The following MROH1 variants were observed in gnomAD, a reference collection of about 807,000 sequenced individuals.
MROH1 encodes the protein maestro heat like repeat family member 1.
A neutral mutation model predicts 116.5 loss-of-function variants in MROH1; 117 were observed. That is an observed-to-expected ratio of 1.00 (90% CI 0.86 to 1.17). The LOEUF is 1.17. Ranked by LOEUF, MROH1 falls within the 50% of genes most tolerant of loss-of-function variation. The probability of loss-of-function intolerance (pLI) is 0.00; values close to 1 mark genes in which losing one functional copy is unlikely to be tolerated. For synonymous variants in MROH1, 921 were observed against 583.9 expected (o/e 1.58, Z -8.32); for missense variants, 1,873 against 1,338.5 (o/e 1.40, Z -6.23).
intron 29 of MROH1, among the ~76,000 whole-genome samples, chr8:144,246,226 A>G (rs1214001729): frequency 1.3e-5 from 2 of 150,500 alleles, no homozygotes; most frequent in Non-Finnish European, 3.0e-5. Context: ...CTCCTGCCCC[A>G]GCCTCCCGAG....
intron 32 of MROH1, among the ~76,000 whole-genome samples, chr8:144,249,643 G>T (rs979588239): frequency 1.3e-5 from 2 of 152,140 alleles, no homozygotes; most frequent in African/African-American, 4.8e-5. Context: ...TCCTGCCCAC[G>T]TTTCCCCCGC....
intron 33 of MROH1, among the ~76,000 whole-genome samples, chr8:144,253,334 C>T (rs1457495283): frequency 6.6e-5 from 10 of 152,364 alleles, no homozygotes; most frequent in Non-Finnish European, 1.0e-4. Flanking sequence ...GCAGCCGCTC[C>T]GTCCACTTCC....
intron 12 of MROH1, among the ~76,000 whole-genome samples, chr8:144,210,445 A>G (rs527421017): frequency 6.6e-6 from 1 of 152,204 alleles, no homozygotes; most frequent in South Asian, 2.1e-4. Context: ...TAATCCCAGC[A>G]CTTTGGGAGG....
At chr8:144,156,427 C>A (rs902489094) in intron 1 of MROH1, among the ~76,000 whole-genome samples, 1 of 151,920 alleles carries the variant, frequency 6.6e-6, no homozygotes, top group East Asian at 1.9e-4. Context: ...TTAAAACCAG[C>A]TGGGCACGGT....
intron 1 of MROH1, among the ~76,000 whole-genome samples, chr8:144,150,981 C>T (rs1423537251): frequency 6.6e-6 from 1 of 152,164 alleles, no homozygotes; most frequent in Admixed American, 6.5e-5. Flanking sequence ...GGCGTGATGG[C>T]TCACGCCTGT....
At chr8:144,210,706 C>G (rs139241754) in intron 12 of MROH1, among the ~76,000 whole-genome samples, 1 of 151,632 alleles carries the variant, frequency 6.6e-6, no homozygotes, top group African/African-American at 2.4e-5. Flanking sequence ...CTCTCTATCT[C>G]TCTATATATA....
intron 17 of MROH1, 112 bp from the exon 18 acceptor site, chr8:144,239,502 A>G (rs1267117215): frequency 2.6e-6 from 2 of 761,802 alleles, no homozygotes; most frequent in African/African-American, 3.4e-5. Flanking sequence ...TGGGCGGCCC[A>G]GCTTTGGGAA....
chr8:144,242,504 T>G lies in MROH1; in HGVS notation c.2314T>G (p.Phe772Val). The G allele has an allele frequency of 1.3e-6, 1 of 780,660 alleles. No individual in the cohort carries two copies. The highest frequency in any genetic ancestry group is 2.4e-6 in the Non-Finnish European group (1 of 417,806). The allele number at this position is 780,660 out of a possible 1,614,324, so 48.4% of individuals were successfully genotyped here. The change falls in exon 23 of 44, where the codon TTC becomes GTC. Residue 772 changes from phenylalanine to valine, a missense_variant. Physicochemically the swap from Phe to Val is conservative, Grantham distance 50 (BLOSUM62 -1). Transcript: ENST00000326134. ...CATCCTCCGGAACATCTGCCAGCAC[T>G]TCAGCACCAAGGTGGGCACTGCGGT... Reference protein sequence around the residue: ...SDILRNICQHFSTKVLGIKVE... With the variant: ...SDILRNICQHVSTKVLGIKVE...
intron 7 of MROH1, among the ~76,000 whole-genome samples, chr8:144,189,884 G>A (rs1376963156): frequency 1.3e-5 from 2 of 152,240 alleles, no homozygotes; most frequent in Admixed American, 6.5e-5. Flanking sequence ...GCATTTTGGG[G>A]AGGAGGTTGG....
chr8:144,235,343 G>A (rs1235358291), intron 14 of MROH1, among the ~76,000 whole-genome samples: 1 of 152,164 alleles, frequency 6.6e-6, no homozygotes, highest in Admixed American at 6.5e-5. Flanking sequence ...GTCTGGATGC[G>A]TTTTATTTAA....
chr8:144,152,302 G>A (rs1168834857), intron 1 of MROH1, among the ~76,000 whole-genome samples: 4 of 152,168 alleles, frequency 2.6e-5, no homozygotes, highest in African/African-American at 7.2e-5. Context: ...CAGGATAAGA[G>A]GGGACTACTA....
chr8:144,256,379 G>C (rs1226832031), intron 35 of MROH1, among the ~76,000 whole-genome samples: 1 of 133,564 alleles, frequency 7.5e-6, no homozygotes, highest in Non-Finnish European at 1.7e-5. Flanking sequence ...ACACCAGGGG[G>C]ACAGCCTCAC....
chr8:144,260,091 C>A, intron 38 of MROH1, 34 bp downstream of exon 38: 1 of 736,844 alleles, frequency 1.4e-6, no homozygotes, highest in Non-Finnish European at 2.5e-6. Context: ...GGGTCCCAGG[C>A]AGCATGGGTG....
At chr8:144,225,892 GC>G (rs948865261) in intron 14 of MROH1, among the ~76,000 whole-genome samples, 28 of 141,530 alleles carry the variant, frequency 2.0e-4, no homozygotes, top group African/African-American at 6.1e-4. Context: ...TCACATATAG[GC>G]CTATGATTCA....
At position 144,241,010 on chromosome 8, in the gene MROH1, A is replaced by G; in HGVS notation, c.1954A>G (p.Ile652Val). The change falls in exon 21 of 44, where the codon ATA becomes GTA. Residue 652 changes from isoleucine (I) to valine (V), a missense_variant. Ile to Val is a conservative substitution (Grantham distance 29). Coordinates refer to ENST00000326134, the MANE Select transcript of MROH1 (RefSeq NM_032450.3). Reference protein sequence around the residue: ...PQEKNFLYKCIGTTLGAASSK... With the variant: ...PQEKNFLYKCVGTTLGAASSK... Reference sequence around the variant, plus strand: ...GTTTCAGAACTTCCTGTACAAATGCATAGGCACCACCCTGGGTGCTGCTTC... The same window carrying G: ...GTTTCAGAACTTCCTGTACAAATGCGTAGGCACCACCCTGGGTGCTGCTTC... 1 of 767,778 alleles carries G rather than the reference A, an allele frequency of 1.3e-6. No individual in the cohort carries two copies. Among genetic ancestry groups the G allele is most frequent in the Non-Finnish European group, 2.4e-6 (1 of 412,228 alleles). The allele number at this position is 767,778 out of a possible 1,614,324, so 47.6% of individuals were successfully genotyped here.
intron 14 of MROH1, among the ~76,000 whole-genome samples, chr8:144,235,365 A>G (rs1444382397): frequency 1.3e-5 from 2 of 152,216 alleles, no homozygotes; most frequent in East Asian, 3.9e-4. Flanking sequence ...TTCCTTGCTT[A>G]GCTGTCCCAG....
At chr8:144,178,852 A>C (rs2131297312) in intron 4 of MROH1, among the ~76,000 whole-genome samples, 1 of 152,174 alleles carries the variant, frequency 6.6e-6, no homozygotes, top group South Asian at 2.1e-4. Flanking sequence ...TGAGGCAAGG[A>C]CAGTGTGTGC....
chr8:144,256,477 G>T (rs1189887727), intron 35 of MROH1, among the ~76,000 whole-genome samples: 6 of 152,102 alleles, frequency 3.9e-5, no homozygotes, highest in African/African-American at 1.4e-4. Flanking sequence ...AGCACCACAG[G>T]CTGCTCAGAC....
At chr8:144,207,590 C>T (rs1035512170) in intron 12 of MROH1, among the ~76,000 whole-genome samples, 4 of 152,150 alleles carry the variant, frequency 2.6e-5, no homozygotes, top group Admixed American at 6.6e-5. Flanking sequence ...ACCACATCCT[C>T]GGCCTCCTGG....
Sources: allele counts gnomAD v4.1 joint callset (sites outside exome capture counted in the v4.1 genomes callset), GRCh38; gene constraint gnomAD v4.1.1; transcripts MANE v1.5; gene names NCBI Gene and HGNC (gene_info 2026-07-23, HGNC 2026-07-21).